Variants in KANSL3 observed in about 807,000 individuals in gnomAD.
The protein encoded by KANSL3 is NSL complex protein NSL3.
KANSL3 carries 16 observed loss-of-function variants against 89.2 expected under a neutral mutation model. The observed-to-expected ratio is 0.18, with a 90% CI of 0.12 to 0.27. The LOEUF (loss-of-function observed/expected upper bound fraction) is 0.27. Among genes scored for constraint, KANSL3 ranks in the 10% least tolerant of loss-of-function variants. The probability of loss-of-function intolerance (pLI) is 1.00; values close to 1 mark genes in which losing one functional copy is unlikely to be tolerated. For missense variants in KANSL3, 879 were observed against 1,110.6 expected (o/e 0.79, Z 2.96); for synonymous variants, 385 against 419.7 (o/e 0.92, Z 1.01).
intron 5 of KANSL3, chr2:96,615,186 AAAGAC>A (rs2069808780): frequency 6.9e-6 from 1 of 144,556 alleles, no homozygotes; most frequent in Non-Finnish European, 1.5e-5. Context: ...AAAAAAAAAA[AAAGAC>A]AAAATGTTAA....
chr2:96,600,074 A>T (rs1250352774), intron 20 of KANSL3, among the ~76,000 whole-genome samples: 5 of 152,230 alleles, frequency 3.3e-5, no homozygotes, highest in Admixed American at 6.5e-5. Flanking sequence ...ACCTAACAGA[A>T]GGTGGTGAAA....
chr2:96,609,882 C>T (rs2068599194), intron 11 of KANSL3, among the ~76,000 whole-genome samples: 1 of 122,576 alleles, frequency 8.2e-6, no homozygotes, highest in Non-Finnish European at 1.6e-5. Flanking sequence ...ACTCAGGAGG[C>T]GGAGGTTGCA....
downstream of KANSL3, among the ~76,000 whole-genome samples, chr2:96,588,656 T>C (rs1464322352): frequency 6.6e-6 from 1 of 152,090 alleles, no homozygotes; most frequent in Admixed American, 6.5e-5. Context: ...AGTGGTGCAA[T>C]CTCGGCTCAC....
intron 3 of KANSL3, among the ~76,000 whole-genome samples, chr2:96,626,514 A>G (rs1438563144): frequency 3.3e-5 from 5 of 152,234 alleles, no homozygotes; most frequent in African/African-American, 1.2e-4. Context: ...GCTGGAATTC[A>G]GAAGTTCTGA....
chr2:96,597,477 T>C (rs1303951061), intron 20 of KANSL3, among the ~76,000 whole-genome samples: 1 of 152,214 alleles, frequency 6.6e-6, no homozygotes, highest in African/African-American at 2.4e-5. Context: ...TGTCTGGCAA[T>C]CTGAACAGAG....
At chr2:96,632,965 CAAAAAAAAAAAA>C (rs1051564122) in intron 2 of KANSL3, among the ~76,000 whole-genome samples, 1 of 51,628 alleles carries the variant, frequency 1.9e-5, no homozygotes, top group Non-Finnish European at 3.9e-5. Flanking sequence ...GACTCCATCT[CAAAAAAAAAAAA>C]AAAAAAAAAA....
At chr2:96,611,367 C>CA (rs1156363953) in intron 9 of KANSL3, among the ~76,000 whole-genome samples, 3 of 152,168 alleles carry the variant, frequency 2.0e-5, no homozygotes, top group Admixed American at 6.5e-5. Context: ...AAGAGGACCC[C>CA]AGCAGGTGGC....
the KANSL3 span, among the ~76,000 whole-genome samples, chr2:96,584,857 C>T: frequency 3.3e-5 from 5 of 152,314 alleles, no homozygotes; most frequent in East Asian, 1.9e-4. Flanking sequence ...CTTTGTGTGT[C>T]AGATCTTCTG....
At chr2:96,587,003 C>T in the KANSL3 span, among the ~76,000 whole-genome samples, 1 of 152,192 alleles carries the variant, frequency 6.6e-6, no homozygotes, top group African/African-American at 2.4e-5. Flanking sequence ...ACCATAACTC[C>T]TTACATATAT....
chr2:96,601,194 G>C (rs889487223), intron 20 of KANSL3: 6 of 475,242 alleles, frequency 1.3e-5, no homozygotes, highest in African/African-American at 2.1e-5. Context: ...CTTGAACCGG[G>C]GAGGTGGAGG....
intron 14 of KANSL3, chr2:96,606,712 C>A: frequency 3.8e-6 from 1 of 264,536 alleles, no homozygotes; most frequent in Non-Finnish European, 7.4e-6. Flanking sequence ...AGCAGCAGAG[C>A]CAAGACCGTA....
At chr2:96,615,528 C>T (rs1290127776) in intron 5 of KANSL3, 1 of 1,287,076 alleles carries the variant, frequency 7.8e-7, no homozygotes, top group Non-Finnish European at 1.0e-6. Context: ...ATGCTACCCA[C>T]AAAAGGTCAA....
intron 3 of KANSL3, among the ~76,000 whole-genome samples, chr2:96,629,186 T>G (rs2072929475): frequency 6.6e-6 from 1 of 152,244 alleles, no homozygotes; most frequent in Non-Finnish European, 1.5e-5. Flanking sequence ...TTTTTGTTAT[T>G]ACCATCGTCG....
In KANSL3 at chr2:96,631,513, C is replaced by T. The variant is rs932961688; in HGVS notation, c.216-31G>A. 5 of 1,552,792 alleles carry T rather than the reference C, an allele frequency of 3.2e-6. No homozygotes were observed. The African/African-American group carries it at 6.8e-5, about 21-fold the overall frequency. Reference sequence around the variant, plus strand: ...AACAGGTGAGGAAATAGGACCGGGCCACACATACTTCACAGGTATTTAACA... The same window carrying T: ...AACAGGTGAGGAAATAGGACCGGGCTACACATACTTCACAGGTATTTAACA... On this transcript the variant is annotated intron_variant, in intron 2 of 20. Transcript: ENST00000431828.
At position 96,634,443 on chromosome 2, in the gene KANSL3, G is replaced by A. The variant is rs548386403; in HGVS notation, c.215+2478C>T. Reference sequence around the variant, plus strand: ...AGGCAGGAGAATTGCTTGAACCCAGGAGGCAGAGGTTGCAGTGAGCCAAGA... The same window carrying A: ...AGGCAGGAGAATTGCTTGAACCCAGAAGGCAGAGGTTGCAGTGAGCCAAGA... On this transcript the variant is annotated intron_variant, in intron 2 of 20. Transcript: ENST00000431828. Among the ~76,000 whole-genome samples the A allele has an allele frequency of 9.2e-5, 14 of 152,116 alleles. No individual in the cohort carries two copies. The East Asian group carries it at 2.5e-3, about 27-fold the overall frequency.
chr2:96,633,625 G>A (rs942420587), intron 2 of KANSL3, among the ~76,000 whole-genome samples: 1 of 150,916 alleles, frequency 6.6e-6, no homozygotes, highest in Admixed American at 6.6e-5. Context: ...CAGCACTCTG[G>A]GAGGCAGAGG....
chr2:96,602,972 C>A, intron 17 of KANSL3, 110 bp from the exon 18 acceptor site: 1 of 914,482 alleles, frequency 1.1e-6, no homozygotes, highest in Non-Finnish European at 1.7e-6. Flanking sequence ...TGGTGCTTGC[C>A]CTTGGACACC....
intron 5 of KANSL3, among the ~76,000 whole-genome samples, chr2:96,614,130 C>T (rs1256814059): frequency 2.0e-5 from 3 of 152,188 alleles, no homozygotes; most frequent in Admixed American, 6.5e-5. Flanking sequence ...CTCGCTCTGT[C>T]GCCCAGGCTA....
At chr2:96,585,976 C>T in the KANSL3 span, among the ~76,000 whole-genome samples, 1 of 152,116 alleles carries the variant, frequency 6.6e-6, no homozygotes, top group African/African-American at 2.4e-5. Flanking sequence ...CCTGTAATCC[C>T]AGGACTTTGG....
Sources: allele counts gnomAD v4.1 joint callset (sites outside exome capture counted in the v4.1 genomes callset), GRCh38; gene constraint gnomAD v4.1.1; transcripts MANE v1.5; gene names NCBI Gene and HGNC (gene_info 2026-07-23, HGNC 2026-07-21).